The following NSMAF variants were observed in gnomAD, a reference collection of about 807,000 sequenced individuals.
NSMAF encodes the protein neutral sphingomyelinase activation associated factor.
Under a neutral mutation model 134.9 loss-of-function variants are expected in NSMAF, and 90 were observed. The observed-to-expected ratio is 0.67, with a 90% CI of 0.56 to 0.79. The LOEUF is 0.79. NSMAF is among the 30% of genes least tolerant of loss of function. NSMAF has a pLI of 0.00. For synonymous variants in NSMAF, 358 were observed against 389.6 expected (o/e 0.92, Z 0.96); for missense variants, 1,010 against 1,119.0 (o/e 0.90, Z 1.39).
chr8:58,594,131 G>T, intron 23 of NSMAF, 101 bp downstream of exon 23: 1 of 909,016 alleles, frequency 1.1e-6, no homozygotes, highest in Non-Finnish European at 1.8e-6. Flanking sequence ...TTTATGTGGA[G>T]GCAGCACATG....
chr8:58,618,308 A>AT (rs905341307), intron 9 of NSMAF, among the ~76,000 whole-genome samples: 10 of 152,110 alleles, frequency 6.6e-5, no homozygotes, highest in South Asian at 2.1e-4. Context: ...TTAAAGTATA[A>AT]TTTTTTTAAA....
At chr8:58,619,579 A>G (rs1806736397) in intron 9 of NSMAF, among the ~76,000 whole-genome samples, 1 of 152,198 alleles carries the variant, frequency 6.6e-6, no homozygotes. Context: ...AATTGGTCAT[A>G]GAGTTTAATA....
In NSMAF at chr8:58,601,553, A is replaced by AAAT. The variant is rs1278756186; in HGVS notation, c.1126-19_1126-18insATT. The AAAT allele has an allele frequency of 6.3e-7, 1 of 1,576,784 alleles. No homozygotes were observed. On this transcript the variant is annotated intron_variant, in intron 14 of 30. Transcript: ENST00000038176. ...TAGCGTGTCTAGAATACAGAAAAAA[A>AAAT]AAAAAAATAGAGCTAAGTGTTGGCT...
chr8:58,622,683 G>A (rs1448523086), intron 9 of NSMAF, among the ~76,000 whole-genome samples: 3 of 152,012 alleles, frequency 2.0e-5, no homozygotes, highest in South Asian at 2.1e-4. Context: ...ATGAGCCACC[G>A]TGCCCAGCCT....
intron 9 of NSMAF, among the ~76,000 whole-genome samples, chr8:58,617,018 C>T (rs939706841): frequency 6.6e-6 from 1 of 152,154 alleles, no homozygotes; most frequent in African/African-American, 2.4e-5. Context: ...CATCTACATA[C>T]TAAACAGAAC....
At chr8:58,615,237 C>T (rs1353203967) in intron 9 of NSMAF, among the ~76,000 whole-genome samples, 3 of 152,176 alleles carry the variant, frequency 2.0e-5, no homozygotes, top group Admixed American at 2.0e-4. Flanking sequence ...TAAATCACCA[C>T]TGACAATTTT....
intron 1 of NSMAF, among the ~76,000 whole-genome samples, chr8:58,647,540 T>C (rs1472658786): frequency 6.6e-6 from 1 of 152,138 alleles, no homozygotes; most frequent in Non-Finnish European, 1.5e-5. Context: ...GATTGGATCA[T>C]GGGGGTAGAT....
At chr8:58,644,206 T>C (rs1271571788) in intron 1 of NSMAF, among the ~76,000 whole-genome samples, 3 of 152,234 alleles carry the variant, frequency 2.0e-5, no homozygotes, top group Non-Finnish European at 4.4e-5. Context: ...TACACATATA[T>C]GTTTATTTCA....
intron 1 of NSMAF, chr8:58,659,263 A>G (rs1303144305): frequency 5.2e-5 from 79 of 1,509,938 alleles, no homozygotes; most frequent in Non-Finnish European, 6.5e-5. Context: ...CTTCCGGGTG[A>G]GCTGCCCGCG....
At chr8:58,616,494 A>G (rs1386647609) in intron 9 of NSMAF, among the ~76,000 whole-genome samples, 1 of 152,170 alleles carries the variant, frequency 6.6e-6, no homozygotes, top group Non-Finnish European at 1.5e-5. Flanking sequence ...AACAGAATAA[A>G]GAAAAAAATA....
At chr8:58,655,383 C>A (rs1368632122) in intron 1 of NSMAF, among the ~76,000 whole-genome samples, 1 of 151,124 alleles carries the variant, frequency 6.6e-6, no homozygotes, top group African/African-American at 2.4e-5. Context: ...ACTTCTAAAT[C>A]ATAAAATAGA....
At chr8:58,627,417 C>T (rs1256850901) in intron 6 of NSMAF, among the ~76,000 whole-genome samples, 1 of 152,132 alleles carries the variant, frequency 6.6e-6, no homozygotes, top group African/African-American at 2.4e-5. Context: ...GGAGGTCAAA[C>T]TGTCACTGTC....
chr8:58,600,313 G>GTGCC (rs1806249854), intron 16 of NSMAF: 1 of 349,076 alleles, frequency 2.9e-6, no homozygotes, highest in African/African-American at 2.1e-5. Flanking sequence ...ATGGAGCAGG[G>GTGCC]TGCCTCCACA....
At chr8:58,641,182 A>T (rs1032193805) in intron 2 of NSMAF, among the ~76,000 whole-genome samples, 12 of 152,156 alleles carry the variant, frequency 7.9e-5, no homozygotes, top group Non-Finnish European at 1.6e-4. Context: ...CGGCCTCCCA[A>T]AGTACTGGGA....
chr8:58,634,329 C>G (rs562381382), intron 5 of NSMAF, among the ~76,000 whole-genome samples: 1 of 152,272 alleles, frequency 6.6e-6, no homozygotes, highest in Admixed American at 6.5e-5. Context: ...GTTCTGTGAA[C>G]AAAAGGCTTC....
At chr8:58,647,175 A>G (rs940189626) in intron 1 of NSMAF, among the ~76,000 whole-genome samples, 1 of 152,168 alleles carries the variant, frequency 6.6e-6, no homozygotes, top group Non-Finnish European at 1.5e-5. Flanking sequence ...ATGCCATGAC[A>G]CTTTCGTGAT....
At chr8:58,596,614 AAG>A (rs1438267848) in intron 21 of NSMAF, among the ~76,000 whole-genome samples, 1 of 152,214 alleles carries the variant, frequency 6.6e-6, no homozygotes, top group African/African-American at 2.4e-5. Context: ...TCCAATGAAG[AAG>A]AGAGAGCACT....
intron 4 of NSMAF, 26 bp from the exon 5 acceptor site, chr8:58,635,251 A>C (rs1392008107): frequency 1.9e-6 from 3 of 1,609,398 alleles, no homozygotes. Context: ...AAGTCATTAA[A>C]TATATACAGC....
At chr8:58,590,186 G>T in intron 24 of NSMAF, 112 bp from the exon 25 acceptor site, 1 of 870,722 alleles carries the variant, frequency 1.1e-6, no homozygotes. Flanking sequence ...GTCTTTATGT[G>T]GCTCTCCTCC....
Sources: gnomAD v4.1 joint callset for allele counts (sites outside exome capture counted in the v4.1 genomes callset) on GRCh38, gnomAD v4.1.1 for gene constraint, MANE v1.5 for transcripts, NCBI Gene and HGNC (gene_info 2026-07-23, HGNC 2026-07-21) for gene names.